Variants in PRUNE2 observed in about 807,000 individuals in gnomAD.
PRUNE2 encodes the protein protein prune homolog 2.
PRUNE2 carries 164 observed loss-of-function variants against 252.0 expected under a neutral mutation model. The observed-to-expected ratio is 0.65, with a 90% CI of 0.57 to 0.74. The LOEUF (loss-of-function observed/expected upper bound fraction) is 0.74. PRUNE2 is among the 30% of genes least tolerant of loss of function. The pLI, the probability that PRUNE2 is intolerant of heterozygous loss-of-function variation, is 0.00. For missense variants in PRUNE2, 3,495 were observed against 3,711.0 expected, an observed-to-expected ratio of 0.94 and a Z score of 1.51; for synonymous variants, 1,292 against 1,350.2, an observed-to-expected ratio of 0.96 and a Z score of 0.94.
chr9:76,858,654 T>C (rs1290090913), intron 1 of PRUNE2, among the ~76,000 whole-genome samples: 1 of 151,498 alleles, frequency 6.6e-6, no homozygotes, highest in Non-Finnish European at 1.5e-5. Context: ...AAATACCTAA[T>C]GTAGATGACA....
chr9:76,900,937 A>T (rs2063134401), intron 1 of PRUNE2, among the ~76,000 whole-genome samples: 1 of 152,220 alleles, frequency 6.6e-6, no homozygotes, highest in Admixed American at 6.5e-5. Context: ...AATGTTACAC[A>T]GAAACAAACT....
rs139198657 is a variant in PRUNE2 at position 76,866,504 on chromosome 9, G to A, written c.37-12296C>T. Among the ~76,000 whole-genome samples the A allele has an allele frequency of 6.5e-4, 99 of 152,300 alleles. No individual in the cohort carries two copies. The Middle Eastern group carries it at 0.027, about 42-fold the overall frequency. ...TGTAAAGTTCAAATAACTTCCTACT[G>A]CCTATTCATAAGTAGAATGACAACA... On this transcript the variant is annotated intron_variant, in intron 1 of 18. Transcript: ENST00000376718.
intron 11 of PRUNE2, chr9:76,645,206 T>C: frequency 3.6e-6 from 1 of 276,080 alleles, no homozygotes. Context: ...CTGTCTTGCA[T>C]GGGTAGTGGT....
rs1336460062 is a variant in PRUNE2 at position 76,865,847 on chromosome 9, A to ACACACACACC, written c.37-11640_37-11639insGGTGTGTGTG. Reference sequence around the variant, plus strand: ...CACACACACACACACACACACACACACCAGAGCATTATGACATGTGCATTA... The same window carrying ACACACACACC: ...CACACACACACACACACACACACACACACACACACCCCAGAGCATTATGACATGTGCATTA... On this transcript the variant is annotated intron_variant, in intron 1 of 18. Coordinates refer to ENST00000376718, the MANE Select transcript of PRUNE2 (RefSeq NM_015225.3). 7.7e-4 allele frequency among the ~76,000 whole-genome samples: 112 copies of ACACACACACC among 145,492 alleles called. 1 individual carries two copies. Among genetic ancestry groups the ACACACACACC allele is most frequent in the African/African-American group, 2.8e-3 (102 of 36,700 alleles).
Position 76,711,260 on chromosome 9 carries a change from A to C in PRUNE2, c.1014T>G (p.Pro338=), listed in dbSNP as rs1296648434. 1 of 1,613,850 alleles carries C rather than the reference A, an allele frequency of 6.2e-7. No individual in the cohort carries two copies. The highest frequency in any genetic ancestry group is 1.7e-5 in the Admixed American group (1 of 60,028). Residue 338 remains proline (P), a synonymous_variant, in exon 8 of 19, where the codon CCT becomes CCG. Transcript: ENST00000376718. ...GAACCACCTGATCACAAGTCACTGA[A>C]GGGTCCTCTTGTTGGTACACCAGGA... is the stretch of plus-strand genomic sequence containing the variant. ...DEILVYQQED[P]SVTCDQVVLV...
chr9:76,823,695 A>C lies in PRUNE2; in HGVS notation c.693T>G (p.Asp231Glu). ...GLSIEQTMLK[D>E]LKELSDGEIK... ...TTTCTCCATCTGACAGCTCCTTTAG[A>C]TCTTTCAACATTGTCTGTTCAATAC... The change falls in exon 6 of 19, where the codon GAT becomes GAG. Residue 231 changes from aspartate to glutamate, a missense_variant. Coordinates refer to ENST00000376718, the MANE Select transcript of PRUNE2 (RefSeq NM_015225.3). 6.2e-7 allele frequency: 1 copy of C among 1,611,190 alleles called. No homozygotes were observed. The highest frequency in any genetic ancestry group is 1.1e-5 in the South Asian group (1 of 91,018).
In PRUNE2 at chr9:76,854,163, T is replaced by G; in HGVS notation, c.82A>C (p.Lys28Gln). The change falls in exon 2 of 19, where the codon AAA becomes CAA. Residue 28 changes from lysine (K) to glutamine (Q), a missense_variant. Coordinates refer to ENST00000376718, the MANE Select transcript of PRUNE2 (RefSeq NM_015225.3). Reference sequence around the variant, plus strand: ...ATGAGAGAATCCAAGTCACACGATTTAGGCCCAATAACCACATGGACCTTC... The same window carrying G: ...ATGAGAGAATCCAAGTCACACGATTGAGGCCCAATAACCACATGGACCTTC... ...LEKVHVVIGPKSCDLDSLIST... is the reference protein window; with the variant it reads ...LEKVHVVIGPQSCDLDSLIST... The G allele has an allele frequency of 1.2e-6, 2 of 1,606,478 alleles. No individual in the cohort carries two copies. The highest frequency in any genetic ancestry group is 1.7e-6 in the Non-Finnish European group (2 of 1,175,002).
intron 9 of PRUNE2, among the ~76,000 whole-genome samples, chr9:76,666,998 A>G (rs1210808974): frequency 6.6e-6 from 1 of 152,166 alleles, no homozygotes; most frequent in Non-Finnish European, 1.5e-5. Flanking sequence ...GTGAGCCAAG[A>G]TCGCATCATT....
At chr9:76,872,600 A>AACACACACACACAC (rs71354690) in intron 1 of PRUNE2, among the ~76,000 whole-genome samples, 20 of 139,262 alleles carry the variant, frequency 1.4e-4, no homozygotes, top group African/African-American at 4.8e-4. Flanking sequence ...GATTATGGAA[A>AACACACACACACAC]ACACACACAC....
At chr9:76,751,259 CACACACACACACAG>C (rs1349545693) in intron 6 of PRUNE2, among the ~76,000 whole-genome samples, 1 of 150,884 alleles carries the variant, frequency 6.6e-6, no homozygotes, top group Non-Finnish European at 1.5e-5. Flanking sequence ...CAGACACACA[CACACACACACACAG>C]ACACACACAC....
At chr9:76,828,182 T>C (rs2058456598) in intron 4 of PRUNE2, among the ~76,000 whole-genome samples, 1 of 152,162 alleles carries the variant, frequency 6.6e-6, no homozygotes, top group Non-Finnish European at 1.5e-5. Context: ...AAAGTTAACC[T>C]AAGCTGAGCT....
chr9:76,852,802 GTCTGTCTATCTATCTATCTA>G (rs11270834), intron 2 of PRUNE2, among the ~76,000 whole-genome samples: 72,579 of 150,358 alleles, frequency 0.48, 18,259 homozygotes, highest in African/African-American at 0.65. Context: ...CCATCTGTCT[GTCTGTCTATCTATCTATCTA>G]TCTATCTATC....
intron 9 of PRUNE2, among the ~76,000 whole-genome samples, chr9:76,695,517 C>T (rs2045301058): frequency 6.6e-6 from 1 of 152,116 alleles, no homozygotes; most frequent in Admixed American, 6.5e-5. Context: ...ACAAGAAAGG[C>T]ATGGGAACAC....
intron 1 of PRUNE2, among the ~76,000 whole-genome samples, chr9:76,881,075 T>C (rs1040877988): frequency 8.6e-5 from 13 of 152,044 alleles, no homozygotes; most frequent in Non-Finnish European, 1.6e-4. Flanking sequence ...TCAAGCGATT[T>C]TTCTTCTTCA....
In PRUNE2 at chr9:76,708,570, G is replaced by C. The variant is rs773999958; in HGVS notation, c.3704C>G (p.Pro1235Arg). The part of the protein sequence containing the change: ...RDKDMSSFML[P>R]GSSHITDSEQ... Reference sequence around the variant, plus strand: ...TGAATCTGTGATATGTGAGGAGCCTGGTAACATGAATGATGACATGTCTTT... The same window carrying C: ...TGAATCTGTGATATGTGAGGAGCCTCGTAACATGAATGATGACATGTCTTT... Residue 1235 changes from proline (P) to arginine (R), a missense_variant, in exon 8 of 19, where the codon CCA (proline) becomes CGA (arginine). Coordinates refer to ENST00000376718, the MANE Select transcript of PRUNE2 (RefSeq NM_015225.3). 1 of 1,613,924 alleles carries C rather than the reference G, an allele frequency of 6.2e-7. No homozygotes were observed. The highest frequency in any genetic ancestry group is 1.1e-5 in the South Asian group (1 of 91,078).
intron 6 of PRUNE2, among the ~76,000 whole-genome samples, chr9:76,790,519 G>A (rs564579117): frequency 6.6e-6 from 1 of 152,252 alleles, no homozygotes; most frequent in African/African-American, 2.4e-5. Context: ...ATTTGATGTA[G>A]TTGCCATTTG....
intron 6 of PRUNE2, among the ~76,000 whole-genome samples, chr9:76,714,057 T>A (rs938625472): frequency 1.3e-5 from 2 of 152,218 alleles, no homozygotes; most frequent in Admixed American, 1.3e-4. Flanking sequence ...GCTTATAGGA[T>A]CTATATACGA....
chr9:76,660,055 C>A (rs1563945970), intron 9 of PRUNE2, among the ~76,000 whole-genome samples: 1 of 152,030 alleles, frequency 6.6e-6, no homozygotes, highest in Non-Finnish European at 1.5e-5. Context: ...AAATAGCATA[C>A]TCCAAAAGTT....
Position 76,850,462 on chromosome 9 carries a change from C to T in PRUNE2, c.344+1G>A, listed in dbSNP as rs1318448015. The T allele has an allele frequency of 3.1e-6, 5 of 1,612,416 alleles. No individual in the cohort carries two copies. Among genetic ancestry groups the T allele is most frequent in the Non-Finnish European group, 4.2e-6 (5 of 1,178,426 alleles). On this transcript the variant is annotated splice_donor_variant, in intron 3 of 18. Coordinates refer to ENST00000376718, the MANE Select transcript of PRUNE2 (RefSeq NM_015225.3). LOFTEE classifies it high-confidence loss of function. ...CCTCAGAGCTTCACAGTGGATCTTA[C>T]CTCGCCAGCACACTGCTGCCAACAA...
Sources: allele counts gnomAD v4.1 joint callset (sites outside exome capture counted in the v4.1 genomes callset), GRCh38; gene constraint gnomAD v4.1.1; transcripts MANE v1.5; gene names NCBI Gene and HGNC (gene_info 2026-07-23, HGNC 2026-07-21).